Variants in DAB1 observed in about 807,000 individuals in gnomAD.
DAB1 encodes the protein DAB adaptor protein 1.
A neutral mutation model predicts 64.6 loss-of-function variants in DAB1; 15 were observed. The observed-to-expected ratio is 0.23, with a 90% CI of 0.16 to 0.36. The LOEUF (loss-of-function observed/expected upper bound fraction) is 0.36, where lower values mean the gene tolerates loss of function less well. Among genes scored for constraint, DAB1 ranks in the 10% least tolerant of loss-of-function variants. The pLI is 1.00. For missense variants in DAB1, 596 were observed against 706.7 expected, an observed-to-expected ratio of 0.84 and a Z score of 1.78; for synonymous variants, 235 against 251.9, an observed-to-expected ratio of 0.93 and a Z score of 0.64.
chr1:57,788,379 A>C lies in DAB1; in HGVS notation n.551+95620T>G, dbSNP rs554499457. Among the ~76,000 whole-genome samples, 3 of 152,332 alleles carry C rather than the reference A, an allele frequency of 2.0e-5. No homozygotes were observed. In the East Asian group the frequency reaches 5.8e-4, roughly 29 times the overall value. On this transcript the variant is annotated intron_variant and non_coding_transcript_variant, in intron 6 of 20. Transcript: ENST00000485760. Reference sequence around the variant, plus strand: ...TATGAGTGATACTTGCAGCAACAACATGAATAACCTTAAAATCATTATGCT... The same window carrying C: ...TATGAGTGATACTTGCAGCAACAACCTGAATAACCTTAAAATCATTATGCT...
At chr1:57,284,158 C>T (rs1161735417) in intron 2 of DAB1, among the ~76,000 whole-genome samples, 1 of 152,050 alleles carries the variant, frequency 6.6e-6, no homozygotes, top group East Asian at 1.9e-4. Context: ...CAAAGTAAAC[C>T]TTATGCATTT....
intron 4 of DAB1, among the ~76,000 whole-genome samples, chr1:57,125,760 G>A (rs1288896515): frequency 1.3e-5 from 2 of 152,120 alleles, no homozygotes; most frequent in African/African-American, 2.4e-5. Context: ...AAGGACAGAC[G>A]TGGCTGGAAT....
chr1:57,136,573 T>C lies in DAB1; in HGVS notation c.276A>G (p.Gly92=). ...TCTTCTCATCAAAGATTTTGATTCC[T>C]CCAAAGGAGATGGTTAAAAAGATTT... is the stretch of plus-strand genomic sequence containing the variant. ...KQKIFLTISF[G]GIKIFDEKTG... is the part of the protein sequence containing the mutation. Residue 92 remains glycine (G), a synonymous_variant, in exon 4 of 15, where the codon GGA becomes GGG. Transcript: ENST00000371236. The C allele has an allele frequency of 6.5e-7, 1 of 1,542,150 alleles. No individual in the cohort carries two copies. The highest frequency in any genetic ancestry group is 8.9e-7 in the Non-Finnish European group (1 of 1,129,824).
At chr1:57,308,911 A>C (rs1674425253) in intron 1 of DAB1, among the ~76,000 whole-genome samples, 1 of 152,158 alleles carries the variant, frequency 6.6e-6, no homozygotes, top group Non-Finnish European at 1.5e-5. Context: ...AAAGATGAAA[A>C]AAAAACTCGG....
intron 1 of DAB1, among the ~76,000 whole-genome samples, chr1:57,415,246 AAC>A (rs111517848): frequency 0.034 from 4,904 of 143,228 alleles, 243 homozygotes; most frequent in African/African-American, 0.11. Flanking sequence ...TACCTCACAC[AAC>A]ACACACACAC....
intron 1 of DAB1, among the ~76,000 whole-genome samples, chr1:57,844,721 A>T (rs922853853): frequency 6.6e-6 from 1 of 152,158 alleles, no homozygotes; most frequent in Non-Finnish European, 1.5e-5. Flanking sequence ...AAGCTCAGAG[A>T]GGTCAAGGGA....
At chr1:58,270,352 T>C (rs566280253) in intron 4 of DAB1, among the ~76,000 whole-genome samples, 10 of 147,122 alleles carry the variant, frequency 6.8e-5, no homozygotes, top group Non-Finnish European at 1.3e-4. Flanking sequence ...GCGTTATTTC[T>C]GAGGGCTCTG....
chr1:58,514,500 T>G (rs1646129529), intron 2 of DAB1, among the ~76,000 whole-genome samples: 1 of 152,204 alleles, frequency 6.6e-6, no homozygotes, highest in Non-Finnish European at 1.5e-5. Context: ...AAAGCTCCTG[T>G]TAGCCATCAC....
At chr1:57,311,513 T>C (rs1310991237) in intron 1 of DAB1, among the ~76,000 whole-genome samples, 1 of 140,794 alleles carries the variant, frequency 7.1e-6, no homozygotes, top group Non-Finnish European at 1.5e-5. Context: ...CCCCACCTCC[T>C]GCCAACCACC....
chr1:58,434,108 T>C (rs1008983866), intron 3 of DAB1, among the ~76,000 whole-genome samples: 1 of 152,190 alleles, frequency 6.6e-6, no homozygotes, highest in Non-Finnish European at 1.5e-5. Context: ...TTGGCTTTGA[T>C]TGAGTGAAAT....
intron 6 of DAB1, among the ~76,000 whole-genome samples, chr1:57,757,213 T>TG: frequency 7.0e-6 from 1 of 143,426 alleles, no homozygotes; most frequent in Non-Finnish European, 1.5e-5. Context: ...TTTTTTTTTT[T>TG]TTTTTTTAGC....
intron 7 of DAB1, among the ~76,000 whole-genome samples, chr1:57,553,442 G>GGGAA (rs1553193771): frequency 1.5e-5 from 1 of 68,154 alleles, no homozygotes. Flanking sequence ...AAGAAAGAAA[G>GGGAA]AGAAAGAAAG....
At chr1:57,388,929 T>C (rs1454530769) in intron 1 of DAB1, among the ~76,000 whole-genome samples, 1 of 152,252 alleles carries the variant, frequency 6.6e-6, no homozygotes, top group Non-Finnish European at 1.5e-5. Context: ...CTGCATGGCC[T>C]CTTCTTTCAT....
intron 4 of DAB1, among the ~76,000 whole-genome samples, chr1:58,249,588 G>T (rs760956838): frequency 2.0e-5 from 3 of 152,162 alleles, no homozygotes; most frequent in Non-Finnish European, 4.4e-5. Context: ...GGACAGAAAA[G>T]AAATGAAGAG....
intron 9 of DAB1, among the ~76,000 whole-genome samples, chr1:57,032,500 A>G (rs572440372): frequency 6.6e-6 from 1 of 152,160 alleles, no homozygotes; most frequent in East Asian, 1.9e-4. Flanking sequence ...CAGGACGCAA[A>G]TTAGAAGGCT....
rs1225468232 is a variant in DAB1, at chr1:57,605,999, AAGG to A, written n.625+43590_625+43592del. 12 of 664,818 alleles carry A rather than the reference AAGG, an allele frequency of 1.8e-5. No individual in the cohort carries two copies. The African/African-American group carries it at 2.1e-4, about 12-fold the overall frequency. 41.2% of individuals were successfully genotyped at this position (664,818 alleles called of 1,614,324 possible). On this transcript the variant is annotated intron_variant and non_coding_transcript_variant, in intron 7 of 20. Coordinates refer to the DAB1 transcript ENST00000485760. ...CCTCATGTCTTAGAACCTTCACCAC[AAGG>A]AGTTTTTCTTGTAGTGATTCTCAGA... is the stretch of plus-strand genomic sequence containing the variant.
intron 4 of DAB1, among the ~76,000 whole-genome samples, chr1:58,170,857 A>G (rs915772255): frequency 3.3e-5 from 5 of 152,158 alleles, no homozygotes; most frequent in African/African-American, 7.2e-5. Flanking sequence ...GGCAAGTGCC[A>G]GCTCATGTCA....
chr1:57,918,167 A>G (rs1348490112), intron 5 of DAB1, among the ~76,000 whole-genome samples: 1 of 151,946 alleles, frequency 6.6e-6, no homozygotes, highest in Non-Finnish European at 1.5e-5. Context: ...ATATCTCAAT[A>G]AAGCCCTTAA....
chr1:57,405,003 C>T lies in DAB1; in HGVS notation c.-137+18927G>A, dbSNP rs534097614. On this transcript the variant is annotated intron_variant, in intron 1 of 14. Coordinates refer to ENST00000371236, the MANE Select transcript of DAB1 (RefSeq NM_001365792.1). ...GTAACTACTAAGTTGCTCATGTTCT[C>T]GCTCTGGTTTGAAATGTGCATATTT... Among the ~76,000 whole-genome samples, 589 of 152,302 alleles carry T rather than the reference C, an allele frequency of 3.9e-3. 1 individual carries two copies. Among genetic ancestry groups the T allele is most frequent in the Non-Finnish European group, 5.9e-3 (402 of 68,026 alleles).
Sources: gnomAD v4.1 joint callset for allele counts (sites outside exome capture counted in the v4.1 genomes callset) on GRCh38, gnomAD v4.1.1 for gene constraint, MANE v1.5 for transcripts, NCBI Gene and HGNC (gene_info 2026-07-23, HGNC 2026-07-21) for gene names.